The following MEGF9 variants were observed in gnomAD, a reference collection of about 807,000 sequenced individuals.
The protein encoded by MEGF9 is multiple epidermal growth factor-like domains protein 9.
MEGF9 carries 6 observed loss-of-function variants against 46.8 expected under a neutral mutation model. The ratio of observed to expected loss-of-function variants is 0.13; its 90% confidence interval spans 0.07 to 0.25. The LOEUF (loss-of-function observed/expected upper bound fraction) is 0.25. Among genes scored for constraint, MEGF9 ranks in the 10% least tolerant of loss-of-function variants. The pLI, the probability that MEGF9 is intolerant of heterozygous loss-of-function variation, is 1.00. For synonymous variants in MEGF9, 302 were observed against 330.7 expected, an observed-to-expected ratio of 0.91 and a Z score of 0.94; for missense variants, 683 against 792.4, an observed-to-expected ratio of 0.86 and a Z score of 1.66.
intron 2 of MEGF9, among the ~76,000 whole-genome samples, chr9:120,656,410 G>C (rs2043676861): frequency 6.6e-6 from 1 of 152,050 alleles, no homozygotes. Context: ...AGCCAGGCGT[G>C]GTGGCGGGTG....
chr9:120,660,936 A>G (rs1292535958), intron 1 of MEGF9, among the ~76,000 whole-genome samples: 2 of 152,120 alleles, frequency 1.3e-5, no homozygotes, highest in East Asian at 3.8e-4. Flanking sequence ...CTTTGATACT[A>G]TTTTTGATGA....
intron 1 of MEGF9, among the ~76,000 whole-genome samples, chr9:120,704,415 T>TA (rs1244712926): frequency 1.3e-5 from 2 of 152,208 alleles, no homozygotes; most frequent in Non-Finnish European, 2.9e-5. Context: ...CATGACCATT[T>TA]ACTTTCAGTT....
intron 1 of MEGF9, among the ~76,000 whole-genome samples, chr9:120,685,720 G>C (rs2043819317): frequency 1.3e-5 from 2 of 152,110 alleles, no homozygotes; most frequent in Admixed American, 1.3e-4. Context: ...TCATTAATGG[G>C]TTTATATCCA....
At chr9:120,701,295 T>A (rs2043903908) in intron 1 of MEGF9, among the ~76,000 whole-genome samples, 1 of 152,178 alleles carries the variant, frequency 6.6e-6, no homozygotes, top group African/African-American at 2.4e-5. Context: ...TCTGTGATAA[T>A]ATGCCAGTTT....
At chr9:120,612,292 C>T (rs2043451013) in intron 4 of MEGF9, 104 bp downstream of exon 4, 10 of 1,113,536 alleles carry the variant, frequency 9.0e-6, no homozygotes, top group Non-Finnish European at 1.2e-5. Context: ...TTATAACTCC[C>T]TTTCACCTAT....
chr9:120,694,258 T>A (rs542293862), intron 1 of MEGF9, among the ~76,000 whole-genome samples: 1 of 152,340 alleles, frequency 6.6e-6, no homozygotes, highest in African/African-American at 2.4e-5. Context: ...CCCAGCTAAC[T>A]AGCACTTGGC....
At chr9:120,682,116 C>A (rs1227612898) in intron 1 of MEGF9, among the ~76,000 whole-genome samples, 4 of 152,084 alleles carry the variant, frequency 2.6e-5, no homozygotes, top group Non-Finnish European at 4.4e-5. Flanking sequence ...ATCTGTTTGG[C>A]AAAGTAGCAT....
chr9:120,633,040 C>T (rs1217007189), intron 2 of MEGF9, among the ~76,000 whole-genome samples: 2 of 152,030 alleles, frequency 1.3e-5, no homozygotes, highest in African/African-American at 4.8e-5. Flanking sequence ...GGGATATGGG[C>T]CTGTAGTTTT....
chr9:120,697,040 C>T (rs1343376386), intron 1 of MEGF9, among the ~76,000 whole-genome samples: 1 of 152,214 alleles, frequency 6.6e-6, no homozygotes, highest in Non-Finnish European at 1.5e-5. Context: ...CCTGAAATGA[C>T]TGGCAGAGTA....
intron 1 of MEGF9, among the ~76,000 whole-genome samples, chr9:120,712,996 C>A (rs2043960273): frequency 1.3e-5 from 2 of 152,178 alleles, no homozygotes; most frequent in African/African-American, 2.4e-5. Context: ...AGTTGAACAT[C>A]CTGGCTTAAG....
intron 1 of MEGF9, among the ~76,000 whole-genome samples, chr9:120,675,297 C>T (rs1324408713): frequency 6.6e-6 from 1 of 152,132 alleles, no homozygotes; most frequent in Non-Finnish European, 1.5e-5. Flanking sequence ...ATTAAGTGGA[C>T]CTAGTCTGGC....
chr9:120,609,645 G>A (rs1352489676), intron 4 of MEGF9, among the ~76,000 whole-genome samples: 1 of 151,960 alleles, frequency 6.6e-6, no homozygotes, highest in Non-Finnish European at 1.5e-5. Flanking sequence ...TTCTTCATAG[G>A]ATTTCAATTC....
At chr9:120,688,771 C>T (rs868467648) in intron 1 of MEGF9, among the ~76,000 whole-genome samples, 3 of 152,146 alleles carry the variant, frequency 2.0e-5, no homozygotes, top group Non-Finnish European at 2.9e-5. Flanking sequence ...TTTCATTTTA[C>T]ATGTTCTTTA....
rs748820966 is a variant in MEGF9, at chr9:120,713,747, GC to G, written c.601+10del. The G allele has an allele frequency of 3.9e-5, 50 of 1,286,326 alleles. No homozygotes were observed. Among genetic ancestry groups the G allele is most frequent in the Non-Finnish European group, 3.8e-5 (39 of 1,017,278 alleles). The allele number at this position is 1,286,326 out of a possible 1,614,324, so 79.7% of individuals were successfully genotyped here. ...GGACGGGTCCTGCCCGAGAGGGAGCGCCGGACTCACCTGGAGGAGGCGAAGA... is the reference window on the plus strand; with the variant it reads ...GGACGGGTCCTGCCCGAGAGGGAGCGCGGACTCACCTGGAGGAGGCGAAGA... On this transcript the variant is annotated intron_variant, in intron 1 of 5. Transcript: ENST00000373930.
intron 2 of MEGF9, among the ~76,000 whole-genome samples, chr9:120,654,772 C>T (rs1341516449): frequency 1.3e-5 from 2 of 152,040 alleles, no homozygotes; most frequent in African/African-American, 4.8e-5. Context: ...GTTATTCCCC[C>T]GAAGACCTTC....
chr9:120,612,314 C>G, intron 4 of MEGF9, 82 bp downstream of exon 4: 1 of 1,374,292 alleles, frequency 7.3e-7, no homozygotes, highest in Non-Finnish European at 9.8e-7. Context: ...GCATCCAGAA[C>G]TTTATTCATC....
intron 2 of MEGF9, among the ~76,000 whole-genome samples, chr9:120,647,931 CTCTT>C (rs1479111017): frequency 6.6e-6 from 1 of 152,148 alleles, no homozygotes; most frequent in Non-Finnish European, 1.5e-5. Flanking sequence ...CTTTCTCTTT[CTCTT>C]TCTCTCTCTC....
At chr9:120,625,040 G>A (rs912303158) in intron 2 of MEGF9, among the ~76,000 whole-genome samples, 1 of 152,210 alleles carries the variant, frequency 6.6e-6, no homozygotes, top group Non-Finnish European at 1.5e-5. Context: ...TCAGGAGGCT[G>A]AGGCAGGAAG....
At chr9:120,711,224 A>G (rs1377363548) in intron 1 of MEGF9, among the ~76,000 whole-genome samples, 3 of 152,222 alleles carry the variant, frequency 2.0e-5, no homozygotes, top group Non-Finnish European at 4.4e-5. Context: ...GAAGCCTAGA[A>G]GCAATCTAAG....
Sources: allele counts gnomAD v4.1 joint callset (sites outside exome capture counted in the v4.1 genomes callset), GRCh38; gene constraint gnomAD v4.1.1; transcripts MANE v1.5; gene names NCBI Gene and HGNC (gene_info 2026-07-23, HGNC 2026-07-21).